DNER: variants seen among roughly 807,000 people sequenced by gnomAD.
DNER encodes the protein delta and Notch-like epidermal growth factor-related receptor.
A neutral mutation model predicts 78.2 loss-of-function variants in DNER; 33 were observed. The observed-to-expected ratio is 0.42, with a 90% confidence interval of 0.32 to 0.56. DNER has a LOEUF of 0.56. DNER is among the 20% of genes least tolerant of loss of function. The pLI, the probability that DNER is intolerant of heterozygous loss-of-function variation, is 0.11. For synonymous variants in DNER, 417 were observed against 384.8 expected (o/e 1.08, Z -0.98); for missense variants, 918 against 975.3 (o/e 0.94, Z 0.78).
intron 1 of DNER, among the ~76,000 whole-genome samples, chr2:229,664,501 T>A (rs1028396187): frequency 6.6e-6 from 1 of 151,896 alleles, no homozygotes; most frequent in Non-Finnish European, 1.5e-5. Flanking sequence ...ATAATAATAA[T>A]AACGAAAACA....
intron 10 of DNER, among the ~76,000 whole-genome samples, chr2:229,388,649 C>T (rs1194890834): frequency 1.2e-5 from 1 of 82,640 alleles, no homozygotes; most frequent in African/African-American, 4.6e-5. Context: ...ATATATATAG[C>T]ACTGGTAAAA....
chr2:229,398,452 G>A (rs368838697), intron 10 of DNER, among the ~76,000 whole-genome samples: 23 of 151,958 alleles, frequency 1.5e-4, no homozygotes, highest in African/African-American at 5.3e-4. Context: ...TGATACAATC[G>A]GTTGCAGAAA....
intron 1 of DNER, among the ~76,000 whole-genome samples, chr2:229,663,705 G>A (rs1353394997): frequency 6.6e-6 from 1 of 152,160 alleles, no homozygotes; most frequent in Non-Finnish European, 1.5e-5. Flanking sequence ...CAGATTAACT[G>A]GAAATATGGC....
chr2:229,588,257 G>A (rs966913617), intron 3 of DNER, 137 bp downstream of exon 3: 16 of 705,566 alleles, frequency 2.3e-5, no homozygotes, highest in Non-Finnish European at 3.5e-5. Flanking sequence ...CAAATGGCAG[G>A]GGCCACATCT....
At chr2:229,568,825 G>T (rs1697159690) in intron 4 of DNER, among the ~76,000 whole-genome samples, 1 of 152,078 alleles carries the variant, frequency 6.6e-6, no homozygotes, top group Non-Finnish European at 1.5e-5. Flanking sequence ...ACCTCCCAAA[G>T]TGCTTGGATT....
intron 10 of DNER, among the ~76,000 whole-genome samples, chr2:229,399,174 CAA>C (rs751077507): frequency 3.9e-5 from 5 of 129,378 alleles, no homozygotes; most frequent in Non-Finnish European, 8.4e-5. Flanking sequence ...AAGAAATCTA[CAA>C]AAAAAAAAAA....
At chr2:229,418,080 G>A (rs764753949) in intron 9 of DNER, 28 bp downstream of exon 9, 2 of 1,613,910 alleles carry the variant, frequency 1.2e-6, no homozygotes, top group South Asian at 1.1e-5. Flanking sequence ...GAGCCATTCT[G>A]GCACAGGAAG....
chr2:229,408,520 C>G (rs1693439732), intron 9 of DNER, among the ~76,000 whole-genome samples: 1 of 152,104 alleles, frequency 6.6e-6, no homozygotes, highest in Non-Finnish European at 1.5e-5. Context: ...GCCCACACTT[C>G]CCAACAGCCT....
At position 229,494,684 on chromosome 2, in the gene DNER, G is replaced by C. The variant is rs368017804; in HGVS notation, c.1148-17431C>G. Among the ~76,000 whole-genome samples, 9 of 152,206 alleles carry C rather than the reference G, an allele frequency of 5.9e-5. 1 individual carries two copies. In the East Asian group the frequency reaches 7.7e-4, roughly 13 times the overall value. On this transcript the variant is annotated intron_variant, in intron 6 of 12. Coordinates refer to ENST00000341772, the MANE Select transcript of DNER (RefSeq NM_139072.4). ...GGAGGAAGCCTTGTCCCCAGACCTG[G>C]AGTAGAGGTGGGATTATACCATCTC...
chr2:229,598,726 G>T (rs1255969194), intron 1 of DNER, among the ~76,000 whole-genome samples: 1 of 152,154 alleles, frequency 6.6e-6, no homozygotes, highest in Non-Finnish European at 1.5e-5. Context: ...AGAAGAGGTG[G>T]TCTGGGAGTT....
intron 1 of DNER, among the ~76,000 whole-genome samples, chr2:229,652,915 G>A (rs1013686542): frequency 5.9e-5 from 9 of 152,204 alleles, no homozygotes; most frequent in Non-Finnish European, 8.8e-5. Context: ...GAGAGGCGGC[G>A]GCATGGGTAG....
chr2:229,671,711 C>T (rs1699212058), intron 1 of DNER, among the ~76,000 whole-genome samples: 1 of 152,164 alleles, frequency 6.6e-6, no homozygotes. Context: ...TTTAAGATTT[C>T]ACTTGCAGGA....
intron 5 of DNER, among the ~76,000 whole-genome samples, chr2:229,520,147 T>C (rs904706266): frequency 3.3e-5 from 5 of 152,230 alleles, no homozygotes; most frequent in African/African-American, 1.2e-4. Flanking sequence ...TGAAATAAAC[T>C]GACATCATAA....
intron 12 of DNER, among the ~76,000 whole-genome samples, chr2:229,362,812 T>C (rs1468212953): frequency 6.6e-6 from 1 of 152,180 alleles, no homozygotes; most frequent in Non-Finnish European, 1.5e-5. Flanking sequence ...TGACAAGTCT[T>C]GTGTGTCTAT....
intron 5 of DNER, among the ~76,000 whole-genome samples, chr2:229,542,407 A>G (rs1696533832): frequency 6.6e-6 from 1 of 152,152 alleles, no homozygotes; most frequent in Admixed American, 6.5e-5. Context: ...CAAACCACCC[A>G]TCAGCTCGGG....
At chr2:229,697,222 A>C (rs1203484874) in intron 1 of DNER, among the ~76,000 whole-genome samples, 2 of 152,248 alleles carry the variant, frequency 1.3e-5, no homozygotes, top group Non-Finnish European at 2.9e-5. Flanking sequence ...CAAAAACATT[A>C]TACTAAGTGA....
At chr2:229,574,462 G>A (rs1382439333) in intron 4 of DNER, among the ~76,000 whole-genome samples, 2 of 151,756 alleles carry the variant, frequency 1.3e-5, no homozygotes, top group Non-Finnish European at 2.9e-5. Flanking sequence ...AAGATTGTCA[G>A]TGAAACATTA....
chr2:229,449,869 T>C (rs1694419489), intron 7 of DNER, among the ~76,000 whole-genome samples: 1 of 152,234 alleles, frequency 6.6e-6, no homozygotes, highest in Admixed American at 6.5e-5. Context: ...CTGCAACCTC[T>C]GCCTTCGGGT....
intron 1 of DNER, among the ~76,000 whole-genome samples, chr2:229,668,534 GTGTATATATATATATA>G (rs1169736807): frequency 0.028 from 139 of 4,972 alleles, 3 homozygotes; most frequent in South Asian, 0.1. Context: ...GTGTGTGTGT[GTGTATATATATATATA>G]TATATATATA....
Sources: gnomAD v4.1 joint callset for allele counts (sites outside exome capture counted in the v4.1 genomes callset) on GRCh38, gnomAD v4.1.1 for gene constraint, MANE v1.5 for transcripts, NCBI Gene and HGNC (gene_info 2026-07-23, HGNC 2026-07-21) for gene names.